LRRC4C: variants seen among roughly 807,000 people sequenced by gnomAD.
LRRC4C encodes the protein leucine-rich repeat-containing protein 4C.
Under a neutral mutation model 33.6 loss-of-function variants are expected in LRRC4C, and 5 were observed. That is an observed-to-expected ratio of 0.15 (90% CI 0.08 to 0.31). The LOEUF (loss-of-function observed/expected upper bound fraction) is 0.31, where lower values mean the gene tolerates loss of function less well. Ranked by LOEUF, LRRC4C falls within the 10% of genes least tolerant of loss-of-function variation. The pLI is 1.00. For missense variants in LRRC4C, 560 were observed against 796.7 expected, an observed-to-expected ratio of 0.70 and a Z score of 3.58; for synonymous variants, 329 against 302.0, an observed-to-expected ratio of 1.09 and a Z score of -0.93.
chr11:40,731,304 GCC>G (rs1361098706), intron 2 of LRRC4C, among the ~76,000 whole-genome samples: 1 of 149,950 alleles, frequency 6.7e-6, no homozygotes, highest in Admixed American at 6.7e-5. Context: ...GGGCAACAGA[GCC>G]AGACTCCGTC....
At chr11:40,442,282 G>A (rs1305225036) in intron 3 of LRRC4C, among the ~76,000 whole-genome samples, 2 of 149,814 alleles carry the variant, frequency 1.3e-5, no homozygotes, top group East Asian at 2.0e-4. Flanking sequence ...TTTGACTTGT[G>A]TCACAAGTTC....
chr11:40,180,753 ATGCATGTGTGTG>A (rs1860922540), intron 5 of LRRC4C, among the ~76,000 whole-genome samples: 3 of 152,324 alleles, frequency 2.0e-5, no homozygotes, highest in Middle Eastern at 6.8e-3. Context: ...AGATGTTTGC[ATGCATGTGTGTG>A]TGCATGTGTG....
intron 1 of LRRC4C, among the ~76,000 whole-genome samples, chr11:40,935,485 T>C (rs1565218698): frequency 6.6e-6 from 1 of 152,168 alleles, no homozygotes; most frequent in South Asian, 2.1e-4. Context: ...ATATTTTCAC[T>C]GTACCCTTTC....
At chr11:41,448,252 T>C (rs543261960) in intron 1 of LRRC4C, among the ~76,000 whole-genome samples, 1 of 150,762 alleles carries the variant, frequency 6.6e-6, no homozygotes, top group East Asian at 1.9e-4. Flanking sequence ...TGTGGTGTCA[T>C]TAATAAATAA....
intron 1 of LRRC4C, chr11:41,122,786 T>C (rs1942508430): frequency 1.3e-5 from 2 of 152,020 alleles, no homozygotes; most frequent in African/African-American, 4.8e-5. Context: ...CCCCAAAGTA[T>C]CTTATAGGTA....
chr11:41,028,570 GACACACAC>G (rs57827895), intron 1 of LRRC4C, among the ~76,000 whole-genome samples: 73,373 of 147,246 alleles, frequency 0.5, 18,305 homozygotes, highest in South Asian at 0.6. Context: ...TAGTATTCAC[GACACACAC>G]ACACACACAC....
At chr11:40,994,823 TTA>T (rs149011942) in intron 1 of LRRC4C, among the ~76,000 whole-genome samples, 105,224 of 151,296 alleles carry the variant, frequency 0.7, 36,834 homozygotes, top group South Asian at 0.74. Flanking sequence ...TACTTTTTTT[TTA>T]ACTACTTCAT....
chr11:40,922,738 T>C (rs1416923314), intron 2 of LRRC4C, among the ~76,000 whole-genome samples: 1 of 152,200 alleles, frequency 6.6e-6, no homozygotes, highest in Non-Finnish European at 1.5e-5. Flanking sequence ...AATATAAATT[T>C]TGCAAACAAA....
At chr11:40,838,818 TATTC>T (rs1269157258) in intron 2 of LRRC4C, among the ~76,000 whole-genome samples, 1 of 152,020 alleles carries the variant, frequency 6.6e-6, no homozygotes, top group Non-Finnish European at 1.5e-5. Flanking sequence ...TGCTGAAAGT[TATTC>T]ATCATGATAA....
rs1018546582 is a variant in LRRC4C at position 40,812,488 on chromosome 11, A to C, written c.-407+121147T>G. 2.0e-5 allele frequency among the ~76,000 whole-genome samples: 3 copies of C among 152,322 alleles called. No individual in the cohort carries two copies. In the East Asian group the frequency reaches 5.8e-4, roughly 29 times the overall value. ...CTTTAGAAAAGAAACTTGGCCCTCA[A>C]TGTAACCATTGCTTTTGGTTCTCTA... is the stretch of plus-strand genomic sequence containing the variant. On this transcript the variant is annotated intron_variant, in intron 2 of 6. Coordinates refer to ENST00000528697, the MANE Select transcript of LRRC4C (RefSeq NM_001258419.2).
chr11:41,340,575 G>A (rs930892997), intron 1 of LRRC4C, among the ~76,000 whole-genome samples: 3 of 152,180 alleles, frequency 2.0e-5, no homozygotes, highest in East Asian at 1.9e-4. Flanking sequence ...GGAAGTGGTG[G>A]GCTATAGCAT....
chr11:40,708,692 G>A lies in LRRC4C; in HGVS notation c.-406-60414C>T, dbSNP rs1946302898. On this transcript the variant is annotated intron_variant, in intron 2 of 6. Transcript: ENST00000528697. ...TGCTGAGAAGAATGTATATTCTGTT[G>A]GGGTGGAGAGTTCTGTAGATGTCTA... is the stretch of plus-strand genomic sequence containing the variant. 3.9e-5 allele frequency among the ~76,000 whole-genome samples: 6 copies of A among 152,246 alleles called. No individual in the cohort carries two copies. In the South Asian group the frequency reaches 1.2e-3, roughly 32 times the overall value.
chr11:41,304,677 G>T (rs1298628642), intron 1 of LRRC4C, among the ~76,000 whole-genome samples: 3 of 101,476 alleles, frequency 3.0e-5, no homozygotes, highest in Non-Finnish European at 6.0e-5. Context: ...AGGTTGGGGG[G>T]TCAGCCCCCC....
intron 1 of LRRC4C, among the ~76,000 whole-genome samples, chr11:41,065,464 G>GACTC (rs1330221846): frequency 7.2e-5 from 11 of 152,186 alleles, no homozygotes. Context: ...GGCCGGTGCA[G>GACTC]ACTCAGGTTC....
chr11:41,103,160 A>G (rs1322998463), intron 1 of LRRC4C, among the ~76,000 whole-genome samples: 1 of 151,890 alleles, frequency 6.6e-6, no homozygotes, highest in Admixed American at 6.6e-5. Context: ...CTTTTTGTTT[A>G]TTATATGGCC....
intron 3 of LRRC4C, among the ~76,000 whole-genome samples, chr11:40,393,515 A>G (rs1362437472): frequency 6.6e-6 from 1 of 152,164 alleles, no homozygotes; most frequent in African/African-American, 2.4e-5. Flanking sequence ...GACAGGGTCT[A>G]AGTCAGGAAG....
chr11:41,212,373 T>C (rs1037490790), intron 1 of LRRC4C, among the ~76,000 whole-genome samples: 90 of 152,356 alleles, frequency 5.9e-4, no homozygotes, highest in Admixed American at 5.7e-3. Flanking sequence ...ATAATCTGAT[T>C]ATGCTTAAAC....
chr11:41,315,962 T>A (rs1245487358), intron 1 of LRRC4C, among the ~76,000 whole-genome samples: 6 of 152,128 alleles, frequency 3.9e-5, no homozygotes, highest in Non-Finnish European at 8.8e-5. Context: ...GTTAATTTGC[T>A]GAATGCCTAA....
At chr11:40,835,055 C>T (rs1420372635) in intron 2 of LRRC4C, among the ~76,000 whole-genome samples, 2 of 151,964 alleles carry the variant, frequency 1.3e-5, no homozygotes, top group Admixed American at 1.3e-4. Flanking sequence ...CACACGGTGT[C>T]CCAAACTGTA....
Sources: allele counts gnomAD v4.1 joint callset (sites outside exome capture counted in the v4.1 genomes callset), GRCh38; gene constraint gnomAD v4.1.1; transcripts MANE v1.5; gene names NCBI Gene and HGNC (gene_info 2026-07-23, HGNC 2026-07-21).